SEMA3D: variants seen among roughly 807,000 people sequenced by gnomAD.
The protein encoded by SEMA3D is semaphorin-3D.
Under a neutral mutation model 100.1 loss-of-function variants are expected in SEMA3D, and 84 were observed. The ratio of observed to expected loss-of-function variants is 0.84; its 90% CI spans 0.70 to 1.01. The LOEUF (loss-of-function observed/expected upper bound fraction) is 1.01, where lower values mean the gene tolerates loss of function less well. SEMA3D is among the 50% of genes least tolerant of loss of function. The probability of loss-of-function intolerance (pLI) is 0.00; values close to 1 mark genes in which losing one functional copy is unlikely to be tolerated. For missense variants in SEMA3D, 875 were observed against 934.1 expected (o/e 0.94, Z 0.82); for synonymous variants, 312 against 320.7 (o/e 0.97, Z 0.29).
At chr7:85,005,894 T>G (rs1018048603) in intron 18 of SEMA3D, among the ~76,000 whole-genome samples, 1 of 152,096 alleles carries the variant, frequency 6.6e-6, no homozygotes, top group South Asian at 2.1e-4. Context: ...CTTAATTACA[T>G]GTACTATTTT....
chr7:85,104,769 T>C (rs1788861240), intron 3 of SEMA3D, among the ~76,000 whole-genome samples: 1 of 150,964 alleles, frequency 6.6e-6, no homozygotes, highest in South Asian at 2.1e-4. Flanking sequence ...ACGAGAAGAC[T>C]ACATAGATTA....
intron 12 of SEMA3D, chr7:85,029,046 T>G: frequency 4.2e-6 from 2 of 478,646 alleles, no homozygotes; most frequent in Non-Finnish European, 8.1e-6. Flanking sequence ...AAACTGCTGA[T>G]GGAGTCATGG....
the SEMA3D span, among the ~76,000 whole-genome samples, chr7:85,194,993 C>T: frequency 2.6e-5 from 4 of 152,158 alleles, no homozygotes; most frequent in East Asian, 7.7e-4. Context: ...TTTTGAGGTG[C>T]TAGGGTTTAG....
At chr7:85,225,308 G>C in the SEMA3D span, among the ~76,000 whole-genome samples, 6 of 149,698 alleles carry the variant, frequency 4.0e-5, no homozygotes, top group African/African-American at 1.2e-4. Context: ...CTCTTTTCCT[G>C]TTTTCTTTTC....
At chr7:85,210,908 T>C in the SEMA3D span, among the ~76,000 whole-genome samples, 1 of 151,764 alleles carries the variant, frequency 6.6e-6, no homozygotes, top group Non-Finnish European at 1.5e-5. Flanking sequence ...TCTGTTTTTA[T>C]TCATGTATTA....
intron 1 of SEMA3D, among the ~76,000 whole-genome samples, chr7:85,168,855 AAG>A (rs1790998626): frequency 6.7e-6 from 1 of 148,574 alleles, no homozygotes; most frequent in Non-Finnish European, 1.5e-5. Context: ...GAAAGAAAGA[AAG>A]AAAGAAAGAA....
At chr7:85,221,836 A>G in the SEMA3D span, among the ~76,000 whole-genome samples, 1 of 152,116 alleles carries the variant, frequency 6.6e-6, no homozygotes, top group Admixed American at 6.6e-5. Context: ...GATTAAAAAA[A>G]CATAGTGTAT....
In SEMA3D at chr7:85,140,360, T is replaced by C. The variant is rs1398946118; in HGVS notation, c.-41+13248A>G. On this transcript the variant is annotated intron_variant, in intron 2 of 18. Transcript: ENST00000284136. Reference sequence around the variant, plus strand: ...CATATAAGTTAAGGTCTGGTTTACATCCAGCCAGTAGATGTTGGTAAATTA... The same window carrying C: ...CATATAAGTTAAGGTCTGGTTTACACCCAGCCAGTAGATGTTGGTAAATTA... 3 of 979,368 alleles carry C rather than the reference T, an allele frequency of 3.1e-6. No individual in the cohort carries two copies. The Admixed American group carries it at 1.9e-4, about 61-fold the overall frequency. 60.7% of individuals were successfully genotyped at this position (979,368 alleles called of 1,614,324 possible).
chr7:85,130,443 T>C (rs1019315242), intron 2 of SEMA3D, among the ~76,000 whole-genome samples: 2 of 152,210 alleles, frequency 1.3e-5, no homozygotes, highest in Non-Finnish European at 2.9e-5. Flanking sequence ...AACCCACTTG[T>C]ATTTCTAATT....
intron 3 of SEMA3D, among the ~76,000 whole-genome samples, chr7:85,099,650 T>C (rs1441228848): frequency 6.6e-6 from 1 of 151,948 alleles, no homozygotes; most frequent in African/African-American, 2.4e-5. Context: ...CCACTAGCAA[T>C]GAATCAGAAT....
At chr7:85,121,058 A>G (rs771495726) in intron 3 of SEMA3D, among the ~76,000 whole-genome samples, 1 of 152,188 alleles carries the variant, frequency 6.6e-6, no homozygotes, top group Non-Finnish European at 1.5e-5. Context: ...GAGAATAAAG[A>G]AGTTTTATTC....
intron 2 of SEMA3D, among the ~76,000 whole-genome samples, chr7:85,131,285 T>C (rs1172261635): frequency 6.6e-6 from 1 of 152,016 alleles, no homozygotes; most frequent in African/African-American, 2.4e-5. Context: ...TTTGAGATCA[T>C]AAACACAAAG....
intron 8 of SEMA3D, among the ~76,000 whole-genome samples, chr7:85,063,011 A>G (rs557987003): frequency 2.0e-5 from 3 of 152,284 alleles, no homozygotes; most frequent in South Asian, 2.1e-4. Context: ...TGCTACCTTC[A>G]TGGTACCACA....
the SEMA3D span, among the ~76,000 whole-genome samples, chr7:85,247,214 C>A: frequency 1.2e-4 from 19 of 152,026 alleles, no homozygotes; most frequent in Admixed American, 1.1e-3. Flanking sequence ...GAGATGCACA[C>A]AAGGTAAGTC....
chr7:85,178,760 G>C (rs555667195), intron 1 of SEMA3D, among the ~76,000 whole-genome samples: 20 of 152,270 alleles, frequency 1.3e-4, no homozygotes, highest in African/African-American at 4.3e-4. Context: ...AAGACAATGG[G>C]GAAATGTCTC....
In SEMA3D at chr7:85,171,160, G is replaced by A. The variant is rs144776545; in HGVS notation, c.-173+15518C>T. On this transcript the variant is annotated intron_variant, in intron 1 of 18. Coordinates refer to ENST00000284136, the MANE Select transcript of SEMA3D (RefSeq NM_001384900.1). ...TACAAAGTCACAACCAGTAGGAGAC[G>A]GCACGTGGTGAAATCATAAGAATGT... 3.8e-3 allele frequency among the ~76,000 whole-genome samples: 574 copies of A among 152,098 alleles called. 3 individuals are homozygous for A. Among genetic ancestry groups the A allele is most frequent in the African/African-American group, 0.013 (547 of 41,518 alleles).
chr7:85,185,570 T>C (rs1311772454), intron 1 of SEMA3D, among the ~76,000 whole-genome samples: 1 of 152,218 alleles, frequency 6.6e-6, no homozygotes, highest in Non-Finnish European at 1.5e-5. Flanking sequence ...ATTTAACTCC[T>C]GTCCCCATAA....
chr7:85,178,821 G>C (rs1791315027), intron 1 of SEMA3D, among the ~76,000 whole-genome samples: 2 of 152,190 alleles, frequency 1.3e-5, no homozygotes, highest in Admixed American at 1.3e-4. Flanking sequence ...AGGCCTGGAG[G>C]CCTAGAAGAA....
rs1284316975 is a variant in SEMA3D, at chr7:84,996,809, T to C, written c.*2631A>G. On this transcript the variant is annotated 3_prime_UTR_variant, in exon 19 of 19. Coordinates refer to ENST00000284136, the MANE Select transcript of SEMA3D (RefSeq NM_001384900.1). The stretch of plus-strand genomic sequence containing the variant: ...TTAGCATATTTGAAACCATTAACTA[T>C]ACTTTTCTTTTTCATTATTTTAAGG... 1 of 152,050 alleles carries C rather than the reference T, an allele frequency of 6.6e-6. No homozygotes were observed. Among genetic ancestry groups the C allele is most frequent in the East Asian group, 1.9e-4 (1 of 5,206 alleles). The allele number at this position is 152,050 out of a possible 1,614,324, so 9.4% of individuals were successfully genotyped here. A position where few individuals can be genotyped will look rare whatever the true frequency, so the allele number is the denominator to read the frequency against.
Sources: allele counts gnomAD v4.1 joint callset (sites outside exome capture counted in the v4.1 genomes callset), GRCh38; gene constraint gnomAD v4.1.1; transcripts MANE v1.5; gene names NCBI Gene and HGNC (gene_info 2026-07-23, HGNC 2026-07-21).